MASP1: variants seen among roughly 807,000 people sequenced by gnomAD.
MASP1 encodes MBL associated serine protease 1, also known as mannan-binding lectin serine protease 1.
A neutral mutation model predicts 77.1 loss-of-function variants in MASP1; 59 were observed. That is an observed-to-expected ratio of 0.77 (90% CI 0.62 to 0.95). The LOEUF (loss-of-function observed/expected upper bound fraction) is 0.95. Ranked by LOEUF, MASP1 falls within the 40% of genes least tolerant of loss-of-function variation. The pLI is 0.00. For synonymous variants in MASP1, 362 were observed against 354.5 expected, an observed-to-expected ratio of 1.02 and a Z score of -0.24; for missense variants, 885 against 912.9, an observed-to-expected ratio of 0.97 and a Z score of 0.39.
downstream of MASP1, among the ~76,000 whole-genome samples, chr3:187,232,059 C>T (rs1296076425): frequency 3.3e-5 from 5 of 152,036 alleles, no homozygotes; most frequent in South Asian, 8.3e-4. Flanking sequence ...GCCTGCATAC[C>T]CCTCAGGGAT....
At chr3:187,225,011 T>A (rs954177844) in intron 13 of MASP1, among the ~76,000 whole-genome samples, 1 of 152,254 alleles carries the variant, frequency 6.6e-6, no homozygotes, top group Admixed American at 6.5e-5. Context: ...GCAGGTACCA[T>A]CTCTATGATC....
intron 4 of MASP1, among the ~76,000 whole-genome samples, chr3:187,260,255 A>G (rs1715446907): frequency 6.6e-6 from 1 of 152,202 alleles, no homozygotes; most frequent in South Asian, 2.1e-4. Flanking sequence ...AAAGATAGAT[A>G]GAAGGAATGG....
rs138743270 is a variant in MASP1, at chr3:187,234,979, C to A, written c.*705G>T. The A allele has an allele frequency of 3.9e-6, 5 of 1,287,228 alleles. No homozygotes were observed. The African/African-American group carries it at 7.6e-5, about 20-fold the overall frequency. The allele number at this position is 1,287,228 out of a possible 1,614,324, so 79.7% of individuals were successfully genotyped here. A position where few individuals can be genotyped will look rare whatever the true frequency, so the allele number is the denominator to read the frequency against. On this transcript the variant is annotated 3_prime_UTR_variant, in exon 11 of 11. Coordinates refer to ENST00000296280, the MANE Select transcript of MASP1 (RefSeq NM_139125.4). ...ATTTAAGGGCTTGGTGGGCCTCCCA[C>A]GGCTATTCTGCTCCCAGCAGTCAGC...
At chr3:187,230,139 G>A (rs570122328), downstream of MASP1, among the ~76,000 whole-genome samples, 1 of 152,226 alleles carries the variant, frequency 6.6e-6, no homozygotes, top group Non-Finnish European at 1.5e-5. Context: ...GAATGTGACT[G>A]ATCAAAGCCA....
chr3:187,278,349 C>T (rs145602662), intron 2 of MASP1, among the ~76,000 whole-genome samples: 176 of 152,246 alleles, frequency 1.2e-3, no homozygotes, highest in Non-Finnish European at 2.0e-3. Flanking sequence ...GTGAGGAAGA[C>T]GTTGTATTCA....
At chr3:187,266,053 C>T (rs1424053685) in intron 2 of MASP1, among the ~76,000 whole-genome samples, 1 of 152,194 alleles carries the variant, frequency 6.6e-6, no homozygotes, top group East Asian at 1.9e-4. Context: ...CAGAGGTCAT[C>T]ATATCAACAT....
At chr3:187,246,353 T>A in intron 8 of MASP1, 1 of 984,336 alleles carries the variant, frequency 1.0e-6, no homozygotes, top group South Asian at 4.7e-5. Flanking sequence ...ATGCTGTTAA[T>A]ACGTTGTAGG....
At chr3:187,223,954 G>C (rs775091845) in intron 13 of MASP1, among the ~76,000 whole-genome samples, 26 of 152,298 alleles carry the variant, frequency 1.7e-4, no homozygotes, top group Admixed American at 9.8e-4. Context: ...ACCTTGCAAG[G>C]CTTGCATGGT....
intron 1 of MASP1, among the ~76,000 whole-genome samples, chr3:187,290,388 G>A (rs189578373): frequency 1.4e-4 from 21 of 152,306 alleles, no homozygotes; most frequent in African/African-American, 4.8e-4. Context: ...CAAGTAGTTT[G>A]ATATGGGCTG....
intron 10 of MASP1, among the ~76,000 whole-genome samples, chr3:187,237,162 C>T (rs1318859653): frequency 6.6e-6 from 1 of 152,202 alleles, no homozygotes; most frequent in Non-Finnish European, 1.5e-5. Flanking sequence ...AATTTTTGAT[C>T]TGCCAAATGA....
downstream of MASP1, chr3:187,229,632 T>C: frequency 7.8e-7 from 1 of 1,281,152 alleles, no homozygotes; most frequent in Non-Finnish European, 1.1e-6. Context: ...CCGAGAACTC[T>C]TTCTACCGCA....
intron 8 of MASP1, among the ~76,000 whole-genome samples, chr3:187,247,914 AC>A (rs1560249796): frequency 6.6e-6 from 1 of 152,162 alleles, no homozygotes; most frequent in South Asian, 2.1e-4. Flanking sequence ...AGCTGGGGCC[AC>A]TGCTTTCAGG....
chr3:187,240,147 C>G (rs528517318), intron 10 of MASP1, among the ~76,000 whole-genome samples: 3 of 117,178 alleles, frequency 2.6e-5, no homozygotes, highest in African/African-American at 1.0e-4. Flanking sequence ...AATCCTATAA[C>G]CTCTTTTTCT....
Position 187,236,296 on chromosome 3 carries a change from C to T in MASP1, c.1575G>A (p.Val525=). The T allele has an allele frequency of 1.2e-6, 2 of 1,614,252 alleles. No homozygotes were observed. Among genetic ancestry groups the T allele is most frequent in the South Asian group, 1.1e-5 (1 of 91,084 alleles). ...TGTTGACTGCCCCCGATTTGTCTCG[C>T]ACATCATGCAAGCCCAGGTAGACGG... is the stretch of plus-strand genomic sequence containing the variant. ...HVTVYLGLHD[V]RDKSGAVNSS... is the part of the protein sequence containing the mutation. Residue 525 remains valine, a synonymous_variant, in exon 11 of 11, where the codon GTG becomes GTA. Coordinates refer to ENST00000296280, the MANE Select transcript of MASP1 (RefSeq NM_139125.4).
At chr3:187,286,917 T>A (rs1717908660) in intron 1 of MASP1, among the ~76,000 whole-genome samples, 1 of 152,200 alleles carries the variant, frequency 6.6e-6, no homozygotes, top group Non-Finnish European at 1.5e-5. Flanking sequence ...ATCAACCAGT[T>A]CCCTGGCCTG....
intron 4 of MASP1, among the ~76,000 whole-genome samples, chr3:187,258,039 C>A (rs150310062): frequency 0.014 from 2,089 of 152,302 alleles, 19 homozygotes; most frequent in Middle Eastern, 0.065. Flanking sequence ...GGAACTAAGG[C>A]CATGCCAGGC....
At chr3:187,239,648 C>T (rs530923178) in intron 10 of MASP1, among the ~76,000 whole-genome samples, 2 of 152,324 alleles carry the variant, frequency 1.3e-5, no homozygotes, top group Non-Finnish European at 1.5e-5. Flanking sequence ...TCCTCTACAG[C>T]TCCGCCATTC....
chr3:187,270,011 T>C (rs980285893), intron 2 of MASP1, among the ~76,000 whole-genome samples: 23 of 152,262 alleles, frequency 1.5e-4, no homozygotes, highest in Non-Finnish European at 2.5e-4. Context: ...AGAATTATTT[T>C]GTCCCTAAGA....
At chr3:187,269,156 C>T (rs16861810) in intron 2 of MASP1, among the ~76,000 whole-genome samples, 1 of 151,946 alleles carries the variant, frequency 6.6e-6, no homozygotes, top group East Asian at 1.9e-4. Flanking sequence ...TTGTTAAGAC[C>T]TAGAAGATTT....
Sources: allele counts gnomAD v4.1 joint callset (sites outside exome capture counted in the v4.1 genomes callset), GRCh38; gene constraint gnomAD v4.1.1; transcripts MANE v1.5; gene names NCBI Gene and HGNC (gene_info 2026-07-23, HGNC 2026-07-21).